The following FNDC3A variants were observed in gnomAD, a reference collection of about 807,000 sequenced individuals.
FNDC3A encodes fibronectin type III domain containing 3A, also known as fibronectin type-III domain-containing protein 3A.
FNDC3A carries 32 observed loss-of-function variants against 148.9 expected under a neutral mutation model. The observed-to-expected ratio is 0.21, with a 90% CI of 0.16 to 0.29. FNDC3A has a LOEUF of 0.29. FNDC3A is among the 10% of genes least tolerant of loss of function. The pLI is 1.00. For missense variants in FNDC3A, 1,191 were observed against 1,452.8 expected, an observed-to-expected ratio of 0.82 and a Z score of 2.93; for synonymous variants, 472 against 473.6, an observed-to-expected ratio of 1.00 and a Z score of 0.04.
At chr13:49,010,466 T>C (rs1257422126) in intron 2 of FNDC3A, among the ~76,000 whole-genome samples, 1 of 152,106 alleles carries the variant, frequency 6.6e-6, no homozygotes, top group African/African-American at 2.4e-5. Context: ...TGCCAGAACA[T>C]CAGGAATACA....
intron 4 of FNDC3A, among the ~76,000 whole-genome samples, chr13:49,128,037 A>T (rs993305935): frequency 1.3e-5 from 2 of 152,140 alleles, no homozygotes; most frequent in Admixed American, 1.3e-4. Flanking sequence ...GCGTGCCACC[A>T]TGCCCAGCTA....
chr13:49,138,957 T>C (rs1356496352), intron 7 of FNDC3A, 152 bp downstream of exon 7: 9 of 444,136 alleles, frequency 2.0e-5, no homozygotes, highest in Admixed American at 8.0e-5. Flanking sequence ...TATGGTATGC[T>C]TTAGCTATCT....
intron 3 of FNDC3A, among the ~76,000 whole-genome samples, chr13:49,080,101 A>G (rs1045449358): frequency 1.3e-5 from 2 of 152,168 alleles, no homozygotes; most frequent in African/African-American, 4.8e-5. Flanking sequence ...CTGGCCCAAT[A>G]TTTGTTTCAA....
chr13:49,024,722 A>T (rs888554467), intron 2 of FNDC3A, among the ~76,000 whole-genome samples: 2 of 151,972 alleles, frequency 1.3e-5, no homozygotes, highest in African/African-American at 4.8e-5. Flanking sequence ...TTAGGTACAG[A>T]AGGAAAGTAC....
intron 2 of FNDC3A, among the ~76,000 whole-genome samples, chr13:49,013,238 C>T (rs531627299): frequency 2.0e-4 from 30 of 152,132 alleles, no homozygotes; most frequent in Non-Finnish European, 4.1e-4. Context: ...TCACTTGAGC[C>T]TGGGGGGTTG....
At chr13:49,001,869 AT>A (rs1952131644) in intron 1 of FNDC3A, among the ~76,000 whole-genome samples, 3 of 151,950 alleles carry the variant, frequency 2.0e-5, no homozygotes, top group Admixed American at 2.0e-4. Context: ...CCCTGCCTCC[AT>A]TTGCCTTGTG....
At chr13:49,074,674 GAATT>G (rs1357006069) in intron 2 of FNDC3A, among the ~76,000 whole-genome samples, 1 of 151,974 alleles carries the variant, frequency 6.6e-6, no homozygotes, top group Non-Finnish European at 1.5e-5. Flanking sequence ...CTTGTATCTA[GAATT>G]TAAGGGAGAA....
chr13:49,146,196 A>G (rs1882985821), intron 8 of FNDC3A: 1 of 348,648 alleles, frequency 2.9e-6, no homozygotes, highest in Non-Finnish European at 5.2e-6. Flanking sequence ...ATGGTTCAGT[A>G]TTCACGTATT....
chr13:49,102,229 T>C (rs1229107243), intron 3 of FNDC3A, among the ~76,000 whole-genome samples: 1 of 152,130 alleles, frequency 6.6e-6, no homozygotes, highest in East Asian at 1.9e-4. Flanking sequence ...GCTTGTGTTT[T>C]GGTTTGGTTT....
At position 49,175,351 on chromosome 13, in the gene FNDC3A, C is replaced by T; in HGVS notation, c.1356-16C>T. ...AATAACTTTTTCATGCCTTTTAAAACCATTTGTTTCAACAGTGGTTTTAGT... is the reference window on the plus strand; with the variant it reads ...AATAACTTTTTCATGCCTTTTAAAATCATTTGTTTCAACAGTGGTTTTAGT... On this transcript the variant is annotated splice_polypyrimidine_tract_variant and intron_variant, in intron 12 of 25. Coordinates refer to ENST00000492622, the MANE Select transcript of FNDC3A (RefSeq NM_001079673.2). The T allele has an allele frequency of 6.5e-7, 1 of 1,531,300 alleles. No homozygotes were observed. Among genetic ancestry groups the T allele is most frequent in the Non-Finnish European group, 8.8e-7 (1 of 1,138,710 alleles). The allele number at this position is 1,531,300 out of a possible 1,614,324, so 94.9% of individuals were successfully genotyped here.
At chr13:49,064,018 C>T (rs983251171) in intron 2 of FNDC3A, among the ~76,000 whole-genome samples, 3 of 152,182 alleles carry the variant, frequency 2.0e-5, no homozygotes, top group Admixed American at 2.0e-4. Context: ...TCAAACAACC[C>T]AATTGAAAAA....
intron 2 of FNDC3A, among the ~76,000 whole-genome samples, chr13:49,010,209 T>C (rs972972963): frequency 1.3e-5 from 2 of 152,200 alleles, no homozygotes; most frequent in Non-Finnish European, 2.9e-5. Flanking sequence ...TTGGCTAGTT[T>C]TAATAATTCT....
chr13:49,081,120 C>G (rs1466375083), intron 3 of FNDC3A, among the ~76,000 whole-genome samples: 2 of 152,136 alleles, frequency 1.3e-5, no homozygotes, highest in African/African-American at 2.4e-5. Flanking sequence ...TAAAAACCCT[C>G]CTTATGAGAG....
At chr13:49,039,927 T>C (rs1874794961) in intron 2 of FNDC3A, among the ~76,000 whole-genome samples, 1 of 152,222 alleles carries the variant, frequency 6.6e-6, no homozygotes, top group African/African-American at 2.4e-5. Flanking sequence ...TTGGCCAGGC[T>C]GGTCTTGAAC....
chr13:48,979,753 G>C (rs1399702790), intron 1 of FNDC3A, among the ~76,000 whole-genome samples: 2 of 152,042 alleles, frequency 1.3e-5, no homozygotes, highest in African/African-American at 2.4e-5. Context: ...TTTTTGTGTA[G>C]AGTGCTAGAT....
intron 1 of FNDC3A, among the ~76,000 whole-genome samples, chr13:48,993,920 T>G (rs149388044): frequency 5.6e-4 from 86 of 152,340 alleles, no homozygotes; most frequent in African/African-American, 2.0e-3. Flanking sequence ...GAAGTTTTAG[T>G]ATCTTAACAG....
Position 49,145,905 on chromosome 13 carries a change from G to A in FNDC3A, c.947G>A (p.Gly316Glu). 1 of 1,612,680 alleles carries A rather than the reference G, an allele frequency of 6.2e-7. No homozygotes were observed. The highest frequency in any genetic ancestry group is 8.5e-7 in the Non-Finnish European group (1 of 1,179,292). The change falls in exon 8 of 26, where the codon GGA (glycine) becomes GAA (glutamate). Residue 316 changes from glycine (G) to glutamate (E), a missense_variant. Around this residue, in one of 3 missense-constraint regions of FNDC3A, gnomAD observed 426 missense variants for 473.2 expected, o/e 0.90. Coordinates refer to ENST00000492622, the MANE Select transcript of FNDC3A (RefSeq NM_001079673.2). Reference sequence around the variant, plus strand: ...TATGAAGTTCTGATCTCAAGTACTGGAAAAGATGGGAAATACAAAAGTGTA... The same window carrying A: ...TATGAAGTTCTGATCTCAAGTACTGAAAAAGATGGGAAATACAAAAGTGTA... ...YGYEVLISSTGKDGKYKSVYV... is the reference protein window; with the variant it reads ...YGYEVLISSTEKDGKYKSVYV...
chr13:49,134,155 G>A (rs1447858300), intron 5 of FNDC3A, among the ~76,000 whole-genome samples: 1 of 152,104 alleles, frequency 6.6e-6, no homozygotes, highest in Non-Finnish European at 1.5e-5. Flanking sequence ...AAAAGAAACT[G>A]TGCATATTAA....
chr13:49,122,070 C>A (rs144537738), intron 4 of FNDC3A, among the ~76,000 whole-genome samples: 98 of 151,774 alleles, frequency 6.5e-4, no homozygotes, highest in African/African-American at 2.0e-3. Context: ...AGGCCAGTAT[C>A]CCTGATGAAG....
Sources: allele counts gnomAD v4.1 joint callset (sites outside exome capture counted in the v4.1 genomes callset), GRCh38; gene constraint gnomAD v4.1.1; regional missense constraint gnomAD v4.1.1; transcripts MANE v1.5; gene names NCBI Gene and HGNC (gene_info 2026-07-23, HGNC 2026-07-21).